The following RAB1A variants were observed in gnomAD, a reference collection of about 807,000 sequenced individuals.
RAB1A encodes ras-related protein Rab-1A.
Under a neutral mutation model 26.0 loss-of-function variants are expected in RAB1A, and 2 were observed. The observed-to-expected ratio is 0.08, with a 90% CI of 0.03 to 0.24. The LOEUF is 0.24. RAB1A is among the 10% of genes least tolerant of loss of function. The pLI is 1.00. For missense variants in RAB1A, 100 were observed against 247.0 expected (o/e 0.40, Z 3.99); for synonymous variants, 84 against 84.9 (o/e 0.99, Z 0.06).
intron 1 of RAB1A, chr2:65,106,445 T>C: frequency 3.3e-6 from 1 of 307,306 alleles, no homozygotes; most frequent in South Asian, 2.6e-5. Flanking sequence ...GATATAAAAC[T>C]TCTATAAGCG....
intron 2 of RAB1A, among the ~76,000 whole-genome samples, chr2:65,102,162 C>G (rs1299521719): frequency 6.6e-6 from 1 of 152,010 alleles, no homozygotes; most frequent in Admixed American, 6.6e-5. Flanking sequence ...GTTGAGAATA[C>G]CAATCCTCAT....
At chr2:65,110,778 T>A (rs80252219) in intron 1 of RAB1A, among the ~76,000 whole-genome samples, 5,968 of 151,304 alleles carry the variant, frequency 0.039, 382 homozygotes, top group African/African-American at 0.14. Context: ...CTAAAAATAT[T>A]TTTTTTAATT....
intron 1 of RAB1A, 125 bp downstream of exon 1, chr2:65,129,768 C>G: frequency 6.8e-7 from 1 of 1,465,116 alleles, no homozygotes; most frequent in Non-Finnish European, 9.3e-7. Flanking sequence ...GCCAGCCTCT[C>G]CTGACCCATC....
At chr2:65,118,214 C>CT (rs1167762873) in intron 1 of RAB1A, among the ~76,000 whole-genome samples, 4 of 152,166 alleles carry the variant, frequency 2.6e-5, no homozygotes, top group African/African-American at 9.7e-5. Context: ...ATAACTAAAA[C>CT]TTTCTGTTAA....
In RAB1A at chr2:65,088,961, A is replaced by G. The variant is rs919910242; in HGVS notation, c.398T>C (p.Val133Ala). ...GNKCDLTTKK[V>A]VDYTTAKEFA... ...TACCTTCGCTGTTGTGTAGTCTACT[A>G]CTTTCTTTGTGGTCAGATCACATTT... Residue 133 changes from valine (V) to alanine (A), a missense_variant, in exon 5 of 6, where the codon GTA becomes GCA. Physicochemically the swap from Val to Ala is moderately conservative, Grantham distance 64. Transcript: ENST00000409784. 3.1e-6 allele frequency: 5 copies of G among 1,606,584 alleles called. No individual in the cohort carries two copies. Among genetic ancestry groups the G allele is most frequent in the Non-Finnish European group, 4.3e-6 (5 of 1,175,910 alleles).
Position 65,117,930 on chromosome 2 carries a change from G to T in RAB1A, c.23+11963C>A, listed in dbSNP as rs79832896. Among the ~76,000 whole-genome samples, 604 of 152,330 alleles carry T rather than the reference G, an allele frequency of 4.0e-3. 1 individual carries two copies. The highest frequency in any genetic ancestry group is 7.5e-3 in the Non-Finnish European group (511 of 68,028). Reference sequence around the variant, plus strand: ...GTAAAGCAGAAACAGCCTATTTGTTGTAGTGGGACATCCAAGCCTTTGAGT... The same window carrying T: ...GTAAAGCAGAAACAGCCTATTTGTTTTAGTGGGACATCCAAGCCTTTGAGT... On this transcript the variant is annotated intron_variant, in intron 1 of 5. Transcript: ENST00000409784.
At chr2:65,089,091 CTGA>C in intron 4 of RAB1A, 21 bp from the exon 5 acceptor site, 1 of 1,587,678 alleles carries the variant, frequency 6.3e-7, no homozygotes, top group Non-Finnish European at 8.6e-7. Context: ...ATTTGAAAGA[CTGA>C]TAATATAGTT....
chr2:65,105,769 C>T (rs1382655604), intron 1 of RAB1A, among the ~76,000 whole-genome samples: 5 of 146,406 alleles, frequency 3.4e-5, no homozygotes, highest in Non-Finnish European at 6.0e-5. Context: ...GAAAACCAAG[C>T]TTTTTTTTTT....
chr2:65,125,667 G>A (rs2103888219), intron 1 of RAB1A, among the ~76,000 whole-genome samples: 1 of 151,146 alleles, frequency 6.6e-6, no homozygotes, highest in Non-Finnish European at 1.5e-5. Context: ...GCCCACCTCG[G>A]CCTCCCAAAG....
chr2:65,112,147 ATT>A (rs371108447), intron 1 of RAB1A, among the ~76,000 whole-genome samples: 15 of 142,310 alleles, frequency 1.1e-4, no homozygotes, highest in African/African-American at 1.0e-4. Context: ...CTAGCTCATG[ATT>A]TTTTTTTTTT....
chr2:65,098,836 C>CTTTTTTTT (rs70943624), intron 2 of RAB1A, among the ~76,000 whole-genome samples: 1,848 of 103,166 alleles, frequency 0.018, 95 homozygotes, highest in African/African-American at 0.02. Flanking sequence ...AACAGTACTT[C>CTTTTTTTT]TTTTTTTTTT....
chr2:65,105,563 A>G (rs75791306), intron 1 of RAB1A, among the ~76,000 whole-genome samples: 2,990 of 149,962 alleles, frequency 0.02, 119 homozygotes, highest in African/African-American at 0.07. Flanking sequence ...ATAATTTCAT[A>G]GCACTCCTCC....
intron 1 of RAB1A, among the ~76,000 whole-genome samples, chr2:65,113,957 G>GA (rs1173882468): frequency 2.0e-5 from 3 of 152,092 alleles, no homozygotes; most frequent in African/African-American, 7.2e-5. Flanking sequence ...AATGTTATTT[G>GA]AAAGGAGGAG....
intron 1 of RAB1A, among the ~76,000 whole-genome samples, chr2:65,122,840 G>C (rs550039845): frequency 1.3e-5 from 2 of 151,488 alleles, no homozygotes; most frequent in Non-Finnish European, 2.9e-5. Flanking sequence ...GCCTGGCGGC[G>C]GGCACCTGTA....
intron 1 of RAB1A, among the ~76,000 whole-genome samples, chr2:65,110,458 G>A (rs1048155822): frequency 1.3e-5 from 2 of 149,164 alleles, no homozygotes; most frequent in Admixed American, 6.7e-5. Flanking sequence ...AAAAAAAATG[G>A]CCAAGCCAGA....
At chr2:65,094,313 C>T (rs1238135154) in intron 3 of RAB1A, among the ~76,000 whole-genome samples, 2 of 152,064 alleles carry the variant, frequency 1.3e-5, no homozygotes, top group African/African-American at 2.4e-5. Context: ...GGCCAGGCGC[C>T]GTGGCTCACG....
At chr2:65,101,986 T>A (rs1222470104) in intron 2 of RAB1A, among the ~76,000 whole-genome samples, 1 of 152,124 alleles carries the variant, frequency 6.6e-6, no homozygotes, top group East Asian at 1.9e-4. Context: ...TGACCTCAGA[T>A]GATCCGCCAG....
intron 3 of RAB1A, among the ~76,000 whole-genome samples, chr2:65,094,501 T>C (rs1251530209): frequency 2.0e-5 from 3 of 151,582 alleles, no homozygotes; most frequent in African/African-American, 7.3e-5. Context: ...GAAGAATCGC[T>C]TGAACCTGGG....
chr2:65,092,631 G>A (rs960520204), intron 3 of RAB1A, among the ~76,000 whole-genome samples: 1 of 152,140 alleles, frequency 6.6e-6, no homozygotes, highest in Non-Finnish European at 1.5e-5. Context: ...GTAAGCAATG[G>A]CACCCAAAAA....
Sources: gnomAD v4.1 joint callset for allele counts (sites outside exome capture counted in the v4.1 genomes callset) on GRCh38, gnomAD v4.1.1 for gene constraint, MANE v1.5 for transcripts, NCBI Gene and HGNC (gene_info 2026-07-23, HGNC 2026-07-21) for gene names.